The following GPC5 variants were observed in gnomAD, a reference collection of about 807,000 sequenced individuals.
GPC5 encodes glypican-5.
In GPC5, 47 loss-of-function variants were observed where a neutral mutation model predicts 53.9. The ratio of observed to expected loss-of-function variants is 0.87; its 90% CI spans 0.69 to 1.11. GPC5 has a LOEUF of 1.11. Among genes scored for constraint, GPC5 ranks in the 50% most tolerant of loss-of-function variants. GPC5 has a pLI of 0.00. For missense variants in GPC5, 748 were observed against 713.1 expected (o/e 1.05, Z -0.56); for synonymous variants, 286 against 263.3 (o/e 1.09, Z -0.84).
intron 6 of GPC5, among the ~76,000 whole-genome samples, chr13:92,082,334 GA>G (rs1489636353): frequency 2.6e-5 from 4 of 152,080 alleles, no homozygotes; most frequent in African/African-American, 4.8e-5. Context: ...TTAATTTGGG[GA>G]AAGAAATTCT....
At chr13:92,236,874 A>T (rs1399265692) in intron 7 of GPC5, among the ~76,000 whole-genome samples, 1 of 151,872 alleles carries the variant, frequency 6.6e-6, no homozygotes, top group Non-Finnish European at 1.5e-5. Flanking sequence ...TTACCTCTGC[A>T]ATCATTGTCT....
intron 3 of GPC5, among the ~76,000 whole-genome samples, chr13:91,725,654 A>C (rs1196513756): frequency 6.6e-6 from 1 of 152,180 alleles, no homozygotes; most frequent in African/African-American, 2.4e-5. Flanking sequence ...TGAAAAAATA[A>C]TTGCAAAGAT....
chr13:92,246,830 C>T (rs2042654540), intron 7 of GPC5, among the ~76,000 whole-genome samples: 1 of 152,052 alleles, frequency 6.6e-6, no homozygotes, highest in Non-Finnish European at 1.5e-5. Flanking sequence ...TGGTAATTTT[C>T]AACACTAATT....
At chr13:91,828,011 C>A (rs1324407826) in intron 5 of GPC5, among the ~76,000 whole-genome samples, 1 of 151,980 alleles carries the variant, frequency 6.6e-6, no homozygotes, top group African/African-American at 2.4e-5. Context: ...TAAAAAGGAA[C>A]AAACTAGTGA....
At chr13:92,130,408 T>TA (rs1262678126) in intron 6 of GPC5, among the ~76,000 whole-genome samples, 1 of 151,724 alleles carries the variant, frequency 6.6e-6, no homozygotes, top group Non-Finnish European at 1.5e-5. Flanking sequence ...CTGTATCTGT[T>TA]ATAGAAACTA....
intron 6 of GPC5, among the ~76,000 whole-genome samples, chr13:92,058,265 G>A (rs1457928472): frequency 1.3e-5 from 2 of 152,110 alleles, no homozygotes; most frequent in African/African-American, 4.8e-5. Context: ...AGTCTCAAGC[G>A]ATCCACTTGC....
rs149619264 is a variant in GPC5 at position 92,477,952 on chromosome 13, G to T, written c.1561+332963G>T. On this transcript the variant is annotated intron_variant, in intron 7 of 7. Coordinates refer to ENST00000377067, the MANE Select transcript of GPC5 (RefSeq NM_004466.6). ...TGATCATTGTAATAGTAAACTGTTGGCATTTGGTTTATTTTCCAAAGCCAG... is the reference window on the plus strand; with the variant it reads ...TGATCATTGTAATAGTAAACTGTTGTCATTTGGTTTATTTTCCAAAGCCAG... 3.9e-5 allele frequency among the ~76,000 whole-genome samples: 6 copies of T among 152,162 alleles called. No individual in the cohort carries two copies. In the South Asian group the frequency reaches 6.2e-4, roughly 16 times the overall value.
intron 7 of GPC5, among the ~76,000 whole-genome samples, chr13:92,565,188 A>G (rs1882825281): frequency 1.3e-5 from 2 of 152,140 alleles, no homozygotes; most frequent in Non-Finnish European, 2.9e-5. Context: ...AATATTTTAA[A>G]GGAAAATAGA....
At chr13:92,760,493 T>C (rs914641669) in intron 7 of GPC5, among the ~76,000 whole-genome samples, 4 of 152,098 alleles carry the variant, frequency 2.6e-5, no homozygotes, top group African/African-American at 9.7e-5. Context: ...TATGATCCTT[T>C]CTTTTCTGTG....
chr13:92,848,593 A>C (rs1878685767), intron 7 of GPC5, among the ~76,000 whole-genome samples: 1 of 152,182 alleles, frequency 6.6e-6, no homozygotes, highest in Non-Finnish European at 1.5e-5. Flanking sequence ...CTCAAATATA[A>C]GTGACAAAAA....
intron 7 of GPC5, among the ~76,000 whole-genome samples, chr13:92,753,945 C>G (rs373015516): frequency 6.6e-6 from 1 of 151,850 alleles, no homozygotes; most frequent in Non-Finnish European, 1.5e-5. Flanking sequence ...ATCTAGCAAG[C>G]AGGCCAACGT....
chr13:91,923,751 A>G (rs1041291202), intron 6 of GPC5, among the ~76,000 whole-genome samples: 2 of 152,154 alleles, frequency 1.3e-5, no homozygotes, highest in Non-Finnish European at 2.9e-5. Context: ...TTTAAATTAT[A>G]TATCTGGGAA....
chr13:92,106,894 C>T (rs943169897), intron 6 of GPC5, among the ~76,000 whole-genome samples: 1 of 152,100 alleles, frequency 6.6e-6, no homozygotes, highest in African/African-American at 2.4e-5. Context: ...CTTGCTCATA[C>T]ACCTTTCTGA....
chr13:92,081,400 C>T (rs2041294383), intron 6 of GPC5, among the ~76,000 whole-genome samples: 1 of 152,180 alleles, frequency 6.6e-6, no homozygotes, highest in Non-Finnish European at 1.5e-5. Context: ...CCGCGCCTGA[C>T]CTGTGTCTTT....
chr13:91,725,296 G>A (rs900363791), intron 3 of GPC5: 9 of 152,182 alleles, frequency 5.9e-5, no homozygotes, highest in African/African-American at 2.2e-4. Context: ...AAATGGTAGA[G>A]ACCAGGGAGG....
intron 7 of GPC5, among the ~76,000 whole-genome samples, chr13:92,426,921 G>A (rs1307958709): frequency 6.6e-6 from 1 of 151,892 alleles, no homozygotes; most frequent in Non-Finnish European, 1.5e-5. Flanking sequence ...GAGAGAACTA[G>A]TTAAATCATT....
At chr13:92,033,139 G>A (rs781086939) in intron 6 of GPC5, among the ~76,000 whole-genome samples, 4 of 149,258 alleles carry the variant, frequency 2.7e-5, no homozygotes, top group Non-Finnish European at 5.9e-5. Flanking sequence ...TTTCTGAGTG[G>A]GATCATTTGT....
intron 7 of GPC5, among the ~76,000 whole-genome samples, chr13:92,527,163 AGAAAGAAAGAGAAAGAAAG>A (rs1881338602): frequency 2.4e-5 from 3 of 125,484 alleles, no homozygotes; most frequent in African/African-American, 9.2e-5. Context: ...AAAGAAAGAA[AGAAAGAAAGAGAAAGAAAG>A]AAGAAAGAAA....
intron 1 of GPC5, among the ~76,000 whole-genome samples, chr13:91,417,054 G>A (rs1321227144): frequency 6.6e-6 from 1 of 152,160 alleles, no homozygotes; most frequent in Admixed American, 6.5e-5. Flanking sequence ...GGAACAGAGT[G>A]GGGTGGATGG....
Sources: gnomAD v4.1 joint callset for allele counts (sites outside exome capture counted in the v4.1 genomes callset) on GRCh38, gnomAD v4.1.1 for gene constraint, MANE v1.5 for transcripts, NCBI Gene and HGNC (gene_info 2026-07-23, HGNC 2026-07-21) for gene names.